TNRC6B: variants seen among roughly 807,000 people sequenced by gnomAD.
TNRC6B encodes trinucleotide repeat containing adaptor 6B, also known as trinucleotide repeat-containing gene 6B protein.
A neutral mutation model predicts 203.6 loss-of-function variants in TNRC6B; 52 were observed. That is an observed-to-expected ratio of 0.26 (90% CI 0.20 to 0.32). TNRC6B has a LOEUF of 0.32. TNRC6B is among the 10% of genes least tolerant of loss of function. TNRC6B has a pLI of 1.00. For synonymous variants in TNRC6B, 838 were observed against 845.7 expected, an observed-to-expected ratio of 0.99 and a Z score of 0.16; for missense variants, 1,923 against 2,286.2, an observed-to-expected ratio of 0.84 and a Z score of 3.24.
chr22:40,091,085 C>T (rs567787168), intron 1 of TNRC6B, among the ~76,000 whole-genome samples: 1 of 152,216 alleles, frequency 6.6e-6, no homozygotes, highest in African/African-American at 2.4e-5. Flanking sequence ...GGGTTCACGC[C>T]ATTCTCCTGC....
chr22:40,251,003 T>G (rs1055133004), intron 2 of TNRC6B, among the ~76,000 whole-genome samples, 176 bp from the exon 3 acceptor site: 2 of 151,542 alleles, frequency 1.3e-5, no homozygotes, highest in African/African-American at 4.9e-5. Flanking sequence ...GCTGGACATA[T>G]GGCCACAGTC....
At position 40,281,227 on chromosome 22, in the gene TNRC6B, C is replaced by T; in HGVS notation, c.3520C>T (p.Pro1174Ser). 1 of 1,551,542 alleles carries T rather than the reference C, an allele frequency of 6.4e-7. No homozygotes were observed. Among genetic ancestry groups the T allele is most frequent in the Non-Finnish European group, 8.7e-7 (1 of 1,146,910 alleles). The change falls in exon 11 of 23, where the codon CCC becomes TCC. Residue 1174 changes from proline to serine, a missense_variant. By Grantham distance (74) the Pro-to-Ser change is moderately conservative. This residue lies in a region of TNRC6B where 599 missense variants were observed against 656.5 expected (regional missense o/e 0.91). Transcript: ENST00000454349. ...GCTGTCTCCCTCTGGTTCCACACTA[C>T]CCAACGTCAGCCTTGGAGCAATCGG... The part of the protein sequence containing the change: ...YKLSPSGSTL[P>S]NVSLGAIGTG...
At chr22:40,221,526 A>G (rs112936962) in intron 1 of TNRC6B, among the ~76,000 whole-genome samples, 4 of 152,148 alleles carry the variant, frequency 2.6e-5, no homozygotes, top group East Asian at 1.9e-4. Context: ...TGCAGCCTCA[A>G]CCTCCCTGGC....
chr22:40,137,873 A>G (rs2068613202), intron 3 of TNRC6B, among the ~76,000 whole-genome samples: 1 of 151,828 alleles, frequency 6.6e-6, no homozygotes, highest in Non-Finnish European at 1.5e-5. Context: ...AATCCTAGCT[A>G]CTTGGGAGGC....
At chr22:40,131,599 T>C (rs1161322174) in intron 3 of TNRC6B, among the ~76,000 whole-genome samples, 1 of 152,184 alleles carries the variant, frequency 6.6e-6, no homozygotes, top group Non-Finnish European at 1.5e-5. Flanking sequence ...AGGAACTGTG[T>C]TGGGTGTTGA....
chr22:40,182,487 C>T (rs1490312593), intron 1 of TNRC6B, among the ~76,000 whole-genome samples: 2 of 152,182 alleles, frequency 1.3e-5, no homozygotes, highest in South Asian at 2.1e-4. Flanking sequence ...ATTGAAGCCA[C>T]TTGGCCAGAA....
chr22:40,155,179 C>A (rs911694109), intron 3 of TNRC6B, among the ~76,000 whole-genome samples: 3 of 151,794 alleles, frequency 2.0e-5, no homozygotes, highest in African/African-American at 7.3e-5. Context: ...ACTATAAATA[C>A]TTTTGTATAT....
chr22:40,119,224 C>T (rs1601824507), intron 2 of TNRC6B, among the ~76,000 whole-genome samples: 1 of 152,230 alleles, frequency 6.6e-6, no homozygotes. Context: ...AGACTATCCA[C>T]CACCTACCAC....
intron 1 of TNRC6B, among the ~76,000 whole-genome samples, chr22:40,066,573 G>A (rs1390185132): frequency 1.3e-5 from 2 of 152,100 alleles, no homozygotes; most frequent in Non-Finnish European, 2.9e-5. Context: ...GTGTAATAAG[G>A]CAGCTTTCCT....
At chr22:40,309,006 A>G (rs1383331151) in intron 16 of TNRC6B, among the ~76,000 whole-genome samples, 2 of 152,266 alleles carry the variant, frequency 1.3e-5, no homozygotes, top group Non-Finnish European at 2.9e-5. Context: ...TGTTTGAACC[A>G]TAATAAATTT....
intron 15 of TNRC6B, among the ~76,000 whole-genome samples, chr22:40,301,654 T>G (rs2071025466): frequency 6.6e-6 from 1 of 152,192 alleles, no homozygotes; most frequent in Non-Finnish European, 1.5e-5. Context: ...ATAGCACATA[T>G]CAGAATTCAT....
intron 1 of TNRC6B, among the ~76,000 whole-genome samples, chr22:40,051,397 A>C (rs2067743270): frequency 6.6e-6 from 1 of 152,180 alleles, no homozygotes; most frequent in South Asian, 2.1e-4. Flanking sequence ...TCCGTATTTC[A>C]ACCTGCTCTT....
At chr22:40,152,787 A>G (rs1005269364) in intron 3 of TNRC6B, among the ~76,000 whole-genome samples, 3 of 151,800 alleles carry the variant, frequency 2.0e-5, no homozygotes, top group African/African-American at 7.3e-5. Flanking sequence ...TTTATATTTA[A>G]TTAAATATGT....
chr22:40,298,280 C>T (rs1382915444), intron 12 of TNRC6B, among the ~76,000 whole-genome samples: 2 of 152,050 alleles, frequency 1.3e-5, no homozygotes, highest in Non-Finnish European at 2.9e-5. Context: ...GAGTTACAAT[C>T]ACCAGAGAAA....
At chr22:40,061,052 A>G (rs1378788104) in intron 1 of TNRC6B, among the ~76,000 whole-genome samples, 1 of 152,326 alleles carries the variant, frequency 6.6e-6, no homozygotes, top group Middle Eastern at 3.4e-3. Flanking sequence ...CGACTTTTCC[A>G]AGGATAGTAG....
intron 4 of TNRC6B, among the ~76,000 whole-genome samples, chr22:40,172,219 G>A (rs964375681): frequency 6.6e-6 from 1 of 152,086 alleles, no homozygotes; most frequent in Admixed American, 6.6e-5. Flanking sequence ...TGTTGCTCCT[G>A]AGAAAAGCCT....
At chr22:40,112,384 CCA>C (rs2068345737) in intron 1 of TNRC6B, among the ~76,000 whole-genome samples, 1 of 152,170 alleles carries the variant, frequency 6.6e-6, no homozygotes, top group East Asian at 1.9e-4. Context: ...ACCCTGTCCC[CCA>C]GTCTGCCATG....
upstream of TNRC6B, among the ~76,000 whole-genome samples, chr22:40,175,400 A>G (rs2069046130): frequency 6.6e-6 from 1 of 152,132 alleles, no homozygotes; most frequent in Non-Finnish European, 1.5e-5. Context: ...TTGAAATTAG[A>G]ACCAATATTT....
At position 40,321,083 on chromosome 22, in the gene TNRC6B, T is replaced by C. The variant is rs759501941; in HGVS notation, c.4975-7T>C. 6.2e-7 allele frequency: 1 copy of C among 1,613,764 alleles called. No individual in the cohort carries two copies. Among genetic ancestry groups the C allele is most frequent in the Admixed American group, 1.7e-5 (1 of 59,994 alleles). On this transcript the variant is annotated splice_region_variant and splice_polypyrimidine_tract_variant and intron_variant, in intron 21 of 22. Coordinates refer to ENST00000454349, the MANE Select transcript of TNRC6B (RefSeq NM_001162501.2). ...GTCTTTATCTCATGAATGTCATTAC[T>C]CCTTAGATTGATGGGTCAACCTTGA...
Sources: gnomAD v4.1 joint callset for allele counts (sites outside exome capture counted in the v4.1 genomes callset) on GRCh38, gnomAD v4.1.1 for gene constraint, gnomAD v4.1.1 regional missense constraint, MANE v1.5 for transcripts, NCBI Gene and HGNC (gene_info 2026-07-23, HGNC 2026-07-21) for gene names.